CCDC150: variants seen among roughly 807,000 people sequenced by gnomAD.
The protein encoded by CCDC150 is coiled-coil domain-containing protein 150.
A neutral mutation model predicts 156.5 loss-of-function variants in CCDC150; 151 were observed. The observed-to-expected ratio is 0.97, with a 90% confidence interval of 0.85 to 1.10. The LOEUF (loss-of-function observed/expected upper bound fraction) is 1.10. Among genes scored for constraint, CCDC150 ranks in the 50% least tolerant of loss-of-function variants. CCDC150 has a pLI of 0.00. For synonymous variants in CCDC150, 452 were observed against 429.4 expected, an observed-to-expected ratio of 1.05 and a Z score of -0.65; for missense variants, 1,312 against 1,268.1, an observed-to-expected ratio of 1.03 and a Z score of -0.53.
At chr2:196,709,544 G>A (rs930114390) in intron 15 of CCDC150, among the ~76,000 whole-genome samples, 19 of 152,152 alleles carry the variant, frequency 1.2e-4, no homozygotes, top group African/African-American at 2.4e-4. Flanking sequence ...GCTTTGTTCC[G>A]TTGCTGGTGA....
At chr2:196,686,235 TG>T in intron 13 of CCDC150, 1 of 284,602 alleles carries the variant, frequency 3.5e-6, no homozygotes, top group Non-Finnish European at 6.8e-6. Context: ...AGACTTCTCC[TG>T]GGAATTTACT....
intron 17 of CCDC150, among the ~76,000 whole-genome samples, chr2:196,715,710 T>G (rs879304592): frequency 2.0e-5 from 3 of 152,124 alleles, no homozygotes; most frequent in Admixed American, 6.6e-5. Context: ...GTATAAAAAT[T>G]AAAATGGATC....
chr2:196,696,453 C>A (rs1320232293), intron 14 of CCDC150, among the ~76,000 whole-genome samples: 1 of 152,230 alleles, frequency 6.6e-6, no homozygotes, highest in South Asian at 2.1e-4. Context: ...TGGGAGACCA[C>A]ATTCTCAGTC....
intron 5 of CCDC150, among the ~76,000 whole-genome samples, chr2:196,661,617 A>G (rs553801249): frequency 7.9e-5 from 12 of 152,338 alleles, no homozygotes; most frequent in Middle Eastern, 3.4e-3. Flanking sequence ...AATTCAGCCT[A>G]TGACAGAGGG....
chr2:196,671,922 A>G (rs1054365602), intron 8 of CCDC150, among the ~76,000 whole-genome samples: 4 of 152,200 alleles, frequency 2.6e-5, no homozygotes, highest in African/African-American at 9.7e-5. Flanking sequence ...CCCAAGGAGC[A>G]TGATTACTGG....
intron 2 of CCDC150, among the ~76,000 whole-genome samples, chr2:196,651,658 C>T (rs1455865236): frequency 6.6e-6 from 1 of 152,140 alleles, no homozygotes; most frequent in Non-Finnish European, 1.5e-5. Context: ...AGTATGGGTT[C>T]TCTTTTATGT....
At chr2:196,656,475 T>C (rs936868448) in intron 2 of CCDC150, among the ~76,000 whole-genome samples, 158 bp from the exon 3 acceptor site, 3 of 152,186 alleles carry the variant, frequency 2.0e-5, no homozygotes, top group Admixed American at 1.3e-4. Flanking sequence ...AATTGATTAG[T>C]GTGTCCCTAT....
chr2:196,657,879 T>C (rs1176272104), intron 4 of CCDC150, among the ~76,000 whole-genome samples: 1 of 152,180 alleles, frequency 6.6e-6, no homozygotes, highest in African/African-American at 2.4e-5. Context: ...TGTTGTCTTG[T>C]TGTTACCCGG....
rs191686053 is a variant in CCDC150 at position 196,639,880 on chromosome 2, C to T, written c.12+102C>T. 3.8e-6 allele frequency: 4 copies of T among 1,044,630 alleles called. 1 individual carries two copies. The highest frequency in any genetic ancestry group is 5.2e-6 in the Non-Finnish European group (4 of 765,730). The allele number at this position is 1,044,630 out of a possible 1,614,324, so 64.7% of individuals were successfully genotyped here. A position where few individuals can be genotyped will look rare whatever the true frequency, so the allele number is the denominator to read the frequency against. Reference sequence around the variant, plus strand: ...CACTCCCTGGCGCCCTCTCCCTGTCCTGACGGAGTCCAGTCTCACTCCCTG... The same window carrying T: ...CACTCCCTGGCGCCCTCTCCCTGTCTTGACGGAGTCCAGTCTCACTCCCTG... On this transcript the variant is annotated intron_variant, in intron 1 of 27. Coordinates refer to ENST00000389175, the MANE Select transcript of CCDC150 (RefSeq NM_001080539.2).
intron 4 of CCDC150, chr2:196,657,361 C>T (rs1054126185): frequency 8.7e-6 from 4 of 461,330 alleles, no homozygotes; most frequent in Non-Finnish European, 1.6e-5. Flanking sequence ...ACCCTTACCC[C>T]ATACAAGTGA....
chr2:196,644,450 G>A (rs1692414352), intron 1 of CCDC150, among the ~76,000 whole-genome samples: 1 of 152,080 alleles, frequency 6.6e-6, no homozygotes, highest in Non-Finnish European at 1.5e-5. Flanking sequence ...CTGGTTTATG[G>A]CAGCTGATCC....
intron 5 of CCDC150, among the ~76,000 whole-genome samples, chr2:196,660,527 A>G (rs1458812369): frequency 6.6e-6 from 1 of 152,180 alleles, no homozygotes; most frequent in Non-Finnish European, 1.5e-5. Context: ...ATGTAGTGGC[A>G]TCCTGTTTTG....
At chr2:196,671,457 T>C (rs941953586) in intron 8 of CCDC150, among the ~76,000 whole-genome samples, 8 of 125,502 alleles carry the variant, frequency 6.4e-5, no homozygotes, top group Non-Finnish European at 1.3e-4. Context: ...TGAGACGGAG[T>C]CTCACTCTGT....
At chr2:196,650,473 A>G (rs1364835776) in intron 2 of CCDC150, among the ~76,000 whole-genome samples, 1 of 152,172 alleles carries the variant, frequency 6.6e-6, no homozygotes, top group Non-Finnish European at 1.5e-5. Flanking sequence ...GGCTCACTGC[A>G]GCCTCTGCCT....
intron 27 of CCDC150, 61 bp downstream of exon 27, chr2:196,732,213 T>G: frequency 3.2e-6 from 5 of 1,580,534 alleles, no homozygotes; most frequent in Non-Finnish European, 4.3e-6. Context: ...AGATTTCTAA[T>G]TACCGAAGTT....
intron 13 of CCDC150, among the ~76,000 whole-genome samples, chr2:196,680,287 G>T (rs1312141905): frequency 6.6e-6 from 1 of 151,918 alleles, no homozygotes; most frequent in Non-Finnish European, 1.5e-5. Context: ...TATCATGCAA[G>T]GTATTGTTCA....
intron 16 of CCDC150, 123 bp downstream of exon 16, chr2:196,712,375 G>C (rs1697189055): frequency 1.7e-6 from 1 of 584,452 alleles, no homozygotes; most frequent in African/African-American, 1.9e-5. Context: ...ACTTGACTCA[G>C]TTTAACAAAC....
chr2:196,692,540 GTTT>G (rs1695555103), intron 13 of CCDC150, among the ~76,000 whole-genome samples: 1 of 152,178 alleles, frequency 6.6e-6, no homozygotes, highest in Non-Finnish European at 1.5e-5. Context: ...TTTCTCATTA[GTTT>G]TAAATAACCT....
At chr2:196,699,018 G>A (rs1696011861) in intron 14 of CCDC150, among the ~76,000 whole-genome samples, 1 of 152,180 alleles carries the variant, frequency 6.6e-6, no homozygotes, top group Admixed American at 6.5e-5. Context: ...TTCATGGAAT[G>A]ATTTTGTATC....
Sources: allele counts gnomAD v4.1 joint callset (sites outside exome capture counted in the v4.1 genomes callset), GRCh38; gene constraint gnomAD v4.1.1; transcripts MANE v1.5; gene names NCBI Gene and HGNC (gene_info 2026-07-23, HGNC 2026-07-21).